HMCN1: variants seen among roughly 807,000 people sequenced by gnomAD.
HMCN1 encodes the protein hemicentin-1.
A neutral mutation model predicts 625.9 loss-of-function variants in HMCN1; 321 were observed. That is an observed-to-expected ratio of 0.51 (90% CI 0.47 to 0.56). The LOEUF is 0.56. HMCN1 is among the 20% of genes least tolerant of loss of function. The pLI is 0.00. For missense variants in HMCN1, 6,588 were observed against 6,887.3 expected, an observed-to-expected ratio of 0.96 and a Z score of 1.54; for synonymous variants, 2,425 against 2,417.6, an observed-to-expected ratio of 1.00 and a Z score of -0.09.
chr1:185,987,714 A>G (rs1181374174), intron 20 of HMCN1, among the ~76,000 whole-genome samples, 170 bp downstream of exon 20: 2 of 152,162 alleles, frequency 1.3e-5, no homozygotes, highest in Non-Finnish European at 2.9e-5. Context: ...CCAAGAAACC[A>G]TATAGATGCA....
intron 96 of HMCN1, 106 bp from the exon 97 acceptor site, chr1:186,153,644 A>G: frequency 2.3e-6 from 2 of 888,084 alleles, no homozygotes; most frequent in South Asian, 1.3e-5. Flanking sequence ...TGTGTTTTTT[A>G]GCTCCTAATC....
intron 89 of HMCN1, among the ~76,000 whole-genome samples, chr1:186,139,396 T>G (rs1011812872): frequency 6.6e-6 from 1 of 152,208 alleles, no homozygotes; most frequent in African/African-American, 2.4e-5. Context: ...TAACATTATG[T>G]TCTAAATTTA....
chr1:185,794,428 G>A (rs550509825), intron 1 of HMCN1, among the ~76,000 whole-genome samples: 11 of 151,200 alleles, frequency 7.3e-5, no homozygotes, highest in African/African-American at 2.7e-4. Context: ...TGCAAGCTGA[G>A]GAGTAAGGAA....
At chr1:185,784,611 G>C (rs776173745) in intron 1 of HMCN1, among the ~76,000 whole-genome samples, 19 of 152,054 alleles carry the variant, frequency 1.2e-4, no homozygotes, top group Non-Finnish European at 2.1e-4. Flanking sequence ...ACATGAGCTA[G>C]ACAGACTTGG....
chr1:186,008,702 A>T (rs1012798736), intron 30 of HMCN1, among the ~76,000 whole-genome samples: 6 of 152,150 alleles, frequency 3.9e-5, no homozygotes, highest in African/African-American at 1.4e-4. Context: ...CCTATGCAGT[A>T]GTGTTATTGT....
intron 1 of HMCN1, among the ~76,000 whole-genome samples, chr1:185,823,280 A>G (rs1314190694): frequency 1.3e-5 from 2 of 152,170 alleles, no homozygotes; most frequent in Non-Finnish European, 2.9e-5. Context: ...CTGGAAAAAG[A>G]TAGTTCTTTT....
chr1:185,989,005 CTTTTTTT>C (rs569764243), intron 20 of HMCN1, among the ~76,000 whole-genome samples: 2 of 117,574 alleles, frequency 1.7e-5, no homozygotes, highest in Non-Finnish European at 3.4e-5. Flanking sequence ...ACTTTTAGTA[CTTTTTTT>C]TTTTTTTTTT....
In HMCN1 at chr1:186,016,111, T is replaced by G; in HGVS notation, c.5063T>G (p.Ile1688Ser). Residue 1688 changes from isoleucine (I) to serine (S), a missense_variant, in exon 32 of 107, where the codon ATC becomes AGC. Coordinates refer to ENST00000271588, the MANE Select transcript of HMCN1 (RefSeq NM_031935.3). ...DGVPVKANDNIRIEAGGKKLE... is the reference protein window; with the variant it reads ...DGVPVKANDNSRIEAGGKKLE... ...GTACCTGTGAAAGCTAATGACAATA[T>G]CCGCATAGAAGCTGGTGGGAAGAAA... 4 of 1,613,426 alleles carry G rather than the reference T, an allele frequency of 2.5e-6. No individual in the cohort carries two copies. The highest frequency in any genetic ancestry group is 3.4e-6 in the Non-Finnish European group (4 of 1,179,596).
intron 71 of HMCN1, among the ~76,000 whole-genome samples, chr1:186,110,955 G>A (rs898746613): frequency 7.9e-5 from 10 of 125,956 alleles, no homozygotes; most frequent in African/African-American, 2.6e-4. Flanking sequence ...GGTGGTCTAC[G>A]GAAGAAAAAC....
At chr1:186,056,042 C>T (rs1459781448) in intron 45 of HMCN1, among the ~76,000 whole-genome samples, 1 of 151,954 alleles carries the variant, frequency 6.6e-6, no homozygotes, top group Non-Finnish European at 1.5e-5. Flanking sequence ...ACTGACTCAC[C>T]ATCAGTTGAG....
At chr1:186,011,245 C>G (rs988782795) in intron 30 of HMCN1, among the ~76,000 whole-genome samples, 19 of 152,310 alleles carry the variant, frequency 1.2e-4, no homozygotes, top group Admixed American at 3.9e-4. Context: ...TGGCATTTCA[C>G]TGTGTTAGCC....
At position 186,144,660 on chromosome 1, in the gene HMCN1, G is replaced by A. The variant is rs986293772; in HGVS notation, c.14223G>A (p.Gly4741=). ...AGTATGGAGGAAGGAAATGCGAAGG[G>A]AGTGATGTCCAGAGTGATTTTTGCA... The part of the protein sequence containing the change: ...VPQYGGRKCE[G]SDVQSDFCNS... Residue 4741 remains glycine (G), a synonymous_variant, in exon 91 of 107, where the codon GGG becomes GGA. Coordinates refer to ENST00000271588, the MANE Select transcript of HMCN1 (RefSeq NM_031935.3). 1.9e-6 allele frequency: 3 copies of A among 1,614,154 alleles called. No individual in the cohort carries two copies. The highest frequency in any genetic ancestry group is 2.5e-6 in the Non-Finnish European group (3 of 1,180,008).
rs146148373 is a variant in HMCN1 at position 186,010,412 on chromosome 1, C to T, written c.4630+3130C>T. Among the ~76,000 whole-genome samples, 54 of 152,292 alleles carry T rather than the reference C, an allele frequency of 3.5e-4. No homozygotes were observed. In the East Asian group the frequency reaches 0.01, roughly 28 times the overall value. Reference sequence around the variant, plus strand: ...TTAAGCAGTGGATGCTATGTTATTACACCATCAATTGCAAATATTCTTTGA... The same window carrying T: ...TTAAGCAGTGGATGCTATGTTATTATACCATCAATTGCAAATATTCTTTGA... On this transcript the variant is annotated intron_variant, in intron 30 of 106. Coordinates refer to ENST00000271588, the MANE Select transcript of HMCN1 (RefSeq NM_031935.3).
intron 20 of HMCN1, among the ~76,000 whole-genome samples, chr1:185,988,625 A>T (rs1652167425): frequency 6.6e-6 from 1 of 152,226 alleles, no homozygotes; most frequent in African/African-American, 2.4e-5. Context: ...TTTAAGGAAA[A>T]TGTAAAAGTG....
chr1:186,166,252 T>C lies in HMCN1; in HGVS notation c.15388T>C (p.Cys5130Arg), dbSNP rs1415684711. The change falls in exon 99 of 107, where the codon TGC (cysteine) becomes CGC (arginine). Residue 5130 changes from cysteine to arginine, a missense_variant. By Grantham distance (180) the Cys-to-Arg change is radical. Around this residue, in one of 3 missense-constraint regions of HMCN1, gnomAD observed 1,954 missense variants for 2,013.1 expected, o/e 0.97. Coordinates refer to ENST00000271588, the MANE Select transcript of HMCN1 (RefSeq NM_031935.3). Reference sequence around the variant, plus strand: ...CCACAATGCCATGGGGACTTACTACTGCTCCTGCCCTAAAGGCCTCACCAT... The same window carrying C: ...CCACAATGCCATGGGGACTTACTACCGCTCCTGCCCTAAAGGCCTCACCAT... ...SCHNAMGTYY[C>R]SCPKGLTIAA... 6.2e-7 allele frequency: 1 copy of C among 1,614,162 alleles called. No individual in the cohort carries two copies. Among genetic ancestry groups the C allele is most frequent in the South Asian group, 1.1e-5 (1 of 91,086 alleles).
chr1:185,790,844 T>C (rs1255540036), intron 1 of HMCN1, among the ~76,000 whole-genome samples: 2 of 152,208 alleles, frequency 1.3e-5, no homozygotes, highest in Non-Finnish European at 2.9e-5. Context: ...CAAGAGTCCT[T>C]AGCATGACAT....
At chr1:185,937,775 G>C (rs1324140106) in intron 11 of HMCN1, among the ~76,000 whole-genome samples, 2 of 151,790 alleles carry the variant, frequency 1.3e-5, no homozygotes, top group Non-Finnish European at 2.9e-5. Flanking sequence ...CAGCTACTTG[G>C]GAGGCTGAGG....
At chr1:186,127,990 C>A in intron 82 of HMCN1, 88 bp from the exon 83 acceptor site, 1 of 1,111,906 alleles carries the variant, frequency 9.0e-7, no homozygotes, top group Non-Finnish European at 1.3e-6. Flanking sequence ...AAGAGAGTTT[C>A]TTGAGGGCCT....
chr1:186,123,554 C>G lies in HMCN1; in HGVS notation c.12499+334C>G, dbSNP rs545077384. 6.6e-5 allele frequency among the ~76,000 whole-genome samples: 10 copies of G among 152,230 alleles called. No homozygotes were observed. In the East Asian group the frequency reaches 1.2e-3, roughly 18 times the overall value. The stretch of plus-strand genomic sequence containing the variant: ...CTTTTCTGCTTTACTTCTCAAGCTT[C>G]AAGTCATCTTGGTTCAAATGAATCA... On this transcript the variant is annotated intron_variant, in intron 81 of 106. Coordinates refer to ENST00000271588, the MANE Select transcript of HMCN1 (RefSeq NM_031935.3).
Sources: allele counts gnomAD v4.1 joint callset (sites outside exome capture counted in the v4.1 genomes callset), GRCh38; gene constraint gnomAD v4.1.1; regional missense constraint gnomAD v4.1.1; transcripts MANE v1.5; gene names NCBI Gene and HGNC (gene_info 2026-07-23, HGNC 2026-07-21).